Variants in ERICH6B observed in about 807,000 individuals in gnomAD.
ERICH6B encodes glutamate-rich protein 6B.
Under a neutral mutation model 80.0 loss-of-function variants are expected in ERICH6B, and 69 were observed. The ratio of observed to expected loss-of-function variants is 0.86; its 90% CI spans 0.71 to 1.05. The LOEUF (loss-of-function observed/expected upper bound fraction) is 1.05, where lower values mean the gene tolerates loss of function less well. ERICH6B is among the 50% of genes least tolerant of loss of function. The pLI is 0.00. For missense variants in ERICH6B, 754 were observed against 796.1 expected, an observed-to-expected ratio of 0.95 and a Z score of 0.64; for synonymous variants, 283 against 291.9, an observed-to-expected ratio of 0.97 and a Z score of 0.31.
chr13:45,597,068 AT>A lies in ERICH6B; in HGVS notation c.-58-6del, dbSNP rs1876429666. On this transcript the variant is annotated splice_region_variant and splice_polypyrimidine_tract_variant and intron_variant, in intron 2 of 14. Transcript: ENST00000298738. ...AGCCAACGTCACTTTATTATCCTGT[AT>A]CCAAGAAAGGAATAAAATCCTATTA... The A allele has an allele frequency of 2.7e-6, 4 of 1,456,470 alleles. No homozygotes were observed. The African/African-American group carries it at 5.7e-5, about 21-fold the overall frequency. The allele number at this position is 1,456,470 out of a possible 1,614,324, so 90.2% of individuals were successfully genotyped here. A position where few individuals can be genotyped will look rare whatever the true frequency, so the allele number is the denominator to read the frequency against.
At chr13:45,580,859 A>G (rs1875627336) in intron 5 of ERICH6B, among the ~76,000 whole-genome samples, 194 bp from the exon 6 acceptor site, 1 of 152,122 alleles carries the variant, frequency 6.6e-6, no homozygotes, top group South Asian at 2.1e-4. Flanking sequence ...TGGCTTTGGT[A>G]AATCACTCTA....
At position 45,610,842 on chromosome 13, in the gene ERICH6B, T is replaced by C. The variant is rs1949895543; in HGVS notation, c.-110-3227A>G. 3.2e-5 allele frequency among the ~76,000 whole-genome samples: 4 copies of C among 123,870 alleles called. 1 individual carries two copies. The South Asian group carries it at 9.9e-4, about 31-fold the overall frequency. 81.3% of individuals were successfully genotyped at this position (123,870 alleles called of 152,430 possible). On this transcript the variant is annotated intron_variant, in intron 1 of 14. Transcript: ENST00000298738. ...ATGTTATGTGGCAGGACTGTGTGTG[T>C]GTGTGTGTGTGTGTGTATATATATA... is the stretch of plus-strand genomic sequence containing the variant.
chr13:45,587,040 C>G, intron 5 of ERICH6B, 23 bp downstream of exon 5: 1 of 1,546,784 alleles, frequency 6.5e-7, no homozygotes, highest in South Asian at 1.2e-5. Context: ...TGCGCCTCAC[C>G]GACAGAGCGC....
intron 11 of ERICH6B, among the ~76,000 whole-genome samples, chr13:45,553,764 C>T (rs1874320144): frequency 6.6e-6 from 1 of 152,140 alleles, no homozygotes; most frequent in Non-Finnish European, 1.5e-5. Context: ...TCCCAGCCAC[C>T]TGCGACATTT....
At chr13:45,613,990 C>T (rs898427001) in intron 1 of ERICH6B, among the ~76,000 whole-genome samples, 2 of 152,176 alleles carry the variant, frequency 1.3e-5, no homozygotes, top group East Asian at 3.9e-4. Context: ...CAGGATACAT[C>T]AGCCCCATCT....
chr13:45,608,540 C>G (rs1949882267), intron 1 of ERICH6B, among the ~76,000 whole-genome samples: 1 of 152,172 alleles, frequency 6.6e-6, no homozygotes, highest in African/African-American at 2.4e-5. Flanking sequence ...TGAGTCCTCT[C>G]CTGTATGATG....
At chr13:45,554,273 C>T (rs1005289708) in intron 11 of ERICH6B, among the ~76,000 whole-genome samples, 4 of 152,316 alleles carry the variant, frequency 2.6e-5, no homozygotes, top group South Asian at 2.1e-4. Flanking sequence ...CAGGTTCATC[C>T]ATGTTCTCAC....
At chr13:45,566,304 A>G (rs140360228) in intron 9 of ERICH6B, among the ~76,000 whole-genome samples, 12 of 152,202 alleles carry the variant, frequency 7.9e-5, no homozygotes, top group African/African-American at 2.9e-4. Flanking sequence ...TGAGAAGAAA[A>G]TCAAGCCAGC....
At chr13:45,592,308 C>T (rs910471851) in intron 3 of ERICH6B, among the ~76,000 whole-genome samples, 1 of 152,232 alleles carries the variant, frequency 6.6e-6, no homozygotes, top group African/African-American at 2.4e-5. Context: ...AGCTCTGGGG[C>T]TCAGCGTTCC....
At chr13:45,562,333 T>C (rs1374773335) in intron 10 of ERICH6B, among the ~76,000 whole-genome samples, 1 of 152,264 alleles carries the variant, frequency 6.6e-6, no homozygotes, top group East Asian at 1.9e-4. Context: ...GCACCACACC[T>C]GGCTGAGTTT....
intron 9 of ERICH6B, among the ~76,000 whole-genome samples, chr13:45,564,892 G>A (rs1341542217): frequency 1.3e-5 from 2 of 152,160 alleles, no homozygotes; most frequent in African/African-American, 2.4e-5. Flanking sequence ...CTGGCTGTTC[G>A]TCTCTTGTTT....
At chr13:45,557,745 A>G (rs1874499669) in intron 11 of ERICH6B, among the ~76,000 whole-genome samples, 1 of 152,068 alleles carries the variant, frequency 6.6e-6, no homozygotes, top group Non-Finnish European at 1.5e-5. Context: ...GGCTATAGGT[A>G]TTTGGGTTTA....
chr13:45,584,895 G>A (rs1405054115), intron 5 of ERICH6B, among the ~76,000 whole-genome samples: 1 of 152,210 alleles, frequency 6.6e-6, no homozygotes, highest in Non-Finnish European at 1.5e-5. Flanking sequence ...CCTGCAGGAA[G>A]ACCGCTTTCC....
intron 2 of ERICH6B, among the ~76,000 whole-genome samples, chr13:45,598,358 G>T (rs9526095): frequency 0.049 from 7,421 of 152,232 alleles, 220 homozygotes; most frequent in Middle Eastern, 0.11. Flanking sequence ...GCCAAGAAGA[G>T]GTGGCTCTAC....
At chr13:45,582,806 C>T (rs975002354) in intron 5 of ERICH6B, among the ~76,000 whole-genome samples, 6 of 152,304 alleles carry the variant, frequency 3.9e-5, no homozygotes, top group African/African-American at 9.6e-5. Flanking sequence ...AAATGAAATG[C>T]CTTGTGGAAT....
chr13:45,608,243 A>C (rs1354303316), intron 1 of ERICH6B, among the ~76,000 whole-genome samples: 1 of 152,188 alleles, frequency 6.6e-6, no homozygotes, highest in East Asian at 1.9e-4. Context: ...AAGGCACTGA[A>C]AATGCAGGGG....
intron 11 of ERICH6B, among the ~76,000 whole-genome samples, chr13:45,558,967 C>T (rs1184366032): frequency 1.3e-5 from 2 of 152,170 alleles, no homozygotes; most frequent in Non-Finnish European, 2.9e-5. Context: ...AGGGAGGATT[C>T]CCTCTTTGTT....
At chr13:45,594,796 C>T (rs752228017) in intron 3 of ERICH6B, among the ~76,000 whole-genome samples, 5 of 152,094 alleles carry the variant, frequency 3.3e-5, no homozygotes, top group Non-Finnish European at 7.3e-5. Context: ...GTAGCAGAAC[C>T]GGATCCAGAA....
At chr13:45,560,696 T>C (rs566932112) in intron 11 of ERICH6B, among the ~76,000 whole-genome samples, 4 of 152,344 alleles carry the variant, frequency 2.6e-5, no homozygotes, top group Admixed American at 2.0e-4. Flanking sequence ...GAATGTCATA[T>C]AGTAGGTATC....
Sources: gnomAD v4.1 joint callset for allele counts (sites outside exome capture counted in the v4.1 genomes callset) on GRCh38, gnomAD v4.1.1 for gene constraint, MANE v1.5 for transcripts, NCBI Gene and HGNC (gene_info 2026-07-23, HGNC 2026-07-21) for gene names.